PNMA6E: variants seen among roughly 807,000 people sequenced by gnomAD.
The protein encoded by PNMA6E is paraneoplastic antigen Ma6E.
For synonymous variants in PNMA6E, 43 were observed against 17.1 expected (o/e 2.52, Z -3.74); for missense variants, 78 against 50.8 (o/e 1.53, Z -1.63).
At chrX:153,408,905 G>GA in the PNMA6E span, among the ~76,000 whole-genome samples, 1 of 112,637 alleles carries the variant, frequency 8.9e-6, no homozygotes, top group Non-Finnish European at 1.9e-5. Context: ...GCCCTGCTGT[G>GA]AAGGTGGCTT....
chrX:153,396,835 C>G lies in PNMA6E; in HGVS notation c.*71G>C. The G allele has an allele frequency of 3.4e-6, 1 of 297,764 alleles. No homozygotes were observed. Among genetic ancestry groups the G allele is most frequent in the East Asian group, 4.8e-5 (1 of 21,044 alleles). 24.5% of individuals were successfully genotyped at this position (297,764 alleles called of 1,213,427 possible). A position where few individuals can be genotyped will look rare whatever the true frequency, so the allele number is the denominator to read the frequency against. The stretch of plus-strand genomic sequence containing the variant: ...CTGAATGTGGGGTGAGGGACTGGCC[C>G]TGGCCTGGCCTCTGTCTGCCTCCAA... On this transcript the variant is annotated 3_prime_UTR_variant, in exon 2 of 2. Transcript: ENST00000445091.
At chrX:153,406,073 G>C (rs1338760317), upstream of PNMA6E, among the ~76,000 whole-genome samples, 1 of 111,804 alleles carries the variant, frequency 8.9e-6, no homozygotes, top group Non-Finnish European at 1.9e-5. Flanking sequence ...TCATAACCAT[G>C]AACAGACACC....
At chrX:153,412,971 G>T in the PNMA6E span, among the ~76,000 whole-genome samples, 1 of 111,862 alleles carries the variant, frequency 8.9e-6, no homozygotes, top group Non-Finnish European at 1.9e-5. Context: ...AGGCTAGGCT[G>T]CATGGAGGGC....
chrX:153,401,147 C>G (rs1430308052), intron 1 of PNMA6E, 97 bp downstream of exon 1: 1 of 19,080 alleles, frequency 5.2e-5, no homozygotes, highest in Non-Finnish European at 1.1e-4. Flanking sequence ...CACCGCCTGC[C>G]CCCCCCCCAC....
At chrX:153,409,079 G>A in the PNMA6E span, among the ~76,000 whole-genome samples, 1 of 112,957 alleles carries the variant, frequency 8.9e-6, no homozygotes, top group Non-Finnish European at 1.9e-5. Context: ...CCTGGCGGGT[G>A]CCCACGGCAC....
rs1391991085 is a variant in PNMA6E at position 153,396,705 on chromosome X, C to T, written c.*201G>A. On this transcript the variant is annotated 3_prime_UTR_variant, in exon 2 of 2. Coordinates refer to ENST00000445091, the MANE Select transcript of PNMA6E (RefSeq NM_001367770.1). ...TGCTGGGTGCAAGGGAGCGGGGGGG[C>T]GCCTCTCCCCACCCCATTTTGTATC... The T allele has an allele frequency of 2.6e-5, 7 of 273,587 alleles. No homozygotes were observed. The highest frequency in any genetic ancestry group is 5.6e-5 in the African/African-American group (2 of 35,957). The allele number at this position is 273,587 out of a possible 1,213,427, so 22.5% of individuals were successfully genotyped here. A position where few individuals can be genotyped will look rare whatever the true frequency, so the allele number is the denominator to read the frequency against.
the PNMA6E span, among the ~76,000 whole-genome samples, chrX:153,411,107 C>G: frequency 8.9e-6 from 1 of 111,752 alleles, no homozygotes. Flanking sequence ...CTGGGTCACT[C>G]CTTTACTGAG....
Position 153,397,721 on chromosome X carries a change from C to A in PNMA6E, c.1129G>T (p.Gly377Cys). ...AAGTTGGTATCTTCCTCCAGGAGGC[C>A]GCTCACGACTTCCAGGGCCGGGCCG... ...LGGPALEVVSGLLEEDTNLSA... is the reference protein window; with the variant it reads ...LGGPALEVVSCLLEEDTNLSA... The change falls in exon 2 of 2, where the codon GGC becomes TGC. Residue 377 changes from glycine to cysteine, a missense_variant. Transcript: ENST00000445091. The A allele has an allele frequency of 3.3e-6, 1 of 306,686 alleles. No individual in the cohort carries two copies. The highest frequency in any genetic ancestry group is 5.7e-6 in the Non-Finnish European group (1 of 175,589). 25.3% of individuals were successfully genotyped at this position (306,686 alleles called of 1,213,427 possible). A position where few individuals can be genotyped will look rare whatever the true frequency, so the allele number is the denominator to read the frequency against.
At chrX:153,401,824 G>T (rs1423212807), upstream of PNMA6E, among the ~76,000 whole-genome samples, 1 of 98,511 alleles carries the variant, frequency 1.0e-5, no homozygotes, top group Non-Finnish European at 2.0e-5. Context: ...TTGTTCTGTC[G>T]CCAGGCTGGA....
chrX:153,412,515 G>A, the PNMA6E span, among the ~76,000 whole-genome samples: 9 of 112,449 alleles, frequency 8.0e-5, no homozygotes, highest in South Asian at 3.7e-4. Context: ...AGTAAGAGCC[G>A]GGGAAGGGAG....
chrX:153,400,838 G>A (rs1354603950), intron 1 of PNMA6E, among the ~76,000 whole-genome samples: 1 of 5,091 alleles, frequency 2.0e-4, no homozygotes, highest in Non-Finnish European at 3.8e-4. Context: ...GCCCCCTCCC[G>A]ACCCCCAGCC....
the PNMA6E span, among the ~76,000 whole-genome samples, chrX:153,413,148 A>G: frequency 9.0e-6 from 1 of 110,856 alleles, no homozygotes; most frequent in Non-Finnish European, 1.9e-5. Flanking sequence ...AAACCCAACC[A>G]AAGTGGTGAT....
upstream of PNMA6E, among the ~76,000 whole-genome samples, chrX:153,402,514 T>C (rs1662148193): frequency 8.9e-6 from 1 of 111,772 alleles, no homozygotes; most frequent in Non-Finnish European, 1.9e-5. Flanking sequence ...GTCATATATA[T>C]ATCTACATGT....
rs933456575 is a variant in PNMA6E at position 153,397,394 on chromosome X, G to A, written c.1456C>T (p.Arg486Trp). 1.3e-5 allele frequency: 4 copies of A among 297,330 alleles called. No individual in the cohort carries two copies. Among genetic ancestry groups the A allele is most frequent in the South Asian group, 2.0e-4 (1 of 5,011 alleles). The allele number at this position is 297,330 out of a possible 1,213,427, so 24.5% of individuals were successfully genotyped here. A position where few individuals can be genotyped will look rare whatever the true frequency, so the allele number is the denominator to read the frequency against. Residue 486 changes from arginine (R) to tryptophan (W), a missense_variant, in exon 2 of 2, where the codon CGG (arginine) becomes TGG (tryptophan). Transcript: ENST00000445091. ...CATGCCTCCATCTCCCGGATGAGCCGGAGCAGCCCCAGGAAGCCAGGTGGC... is the reference window on the plus strand; with the variant it reads ...CATGCCTCCATCTCCCGGATGAGCCAGAGCAGCCCCAGGAAGCCAGGTGGC... ...KRPPGFLGLL[R>W]LIREMEAWAA... is the part of the protein sequence containing the mutation.
chrX:153,406,335 G>T (rs2088877066), upstream of PNMA6E, among the ~76,000 whole-genome samples: 1 of 112,497 alleles, frequency 8.9e-6, no homozygotes, highest in South Asian at 3.7e-4. Flanking sequence ...GCGTACCTCG[G>T]GCCTCACACT....
In PNMA6E at chrX:153,397,099, G is replaced by A; in HGVS notation, c.1751C>T (p.Ala584Val). The A allele has an allele frequency of 3.4e-6, 1 of 298,115 alleles. No individual in the cohort carries two copies. The highest frequency in any genetic ancestry group is 2.0e-4 in the South Asian group (1 of 5,073). 24.6% of individuals were successfully genotyped at this position (298,115 alleles called of 1,213,427 possible). ...PIEVPWGSSPARMSSAVWVFP... is the reference protein window; with the variant it reads ...PIEVPWGSSPVRMSSAVWVFP... ...CACCCAGACAGCACTGCTCATCCGG[G>A]CTGGGGAGGAGCCCCAGGGGACCTC... Residue 584 changes from alanine to valine, a missense_variant, in exon 2 of 2, where the codon GCC becomes GTC. Physicochemically the swap from Ala to Val is moderately conservative, Grantham distance 64. Transcript: ENST00000445091.
rs1240908515 is a variant in PNMA6E at position 153,397,881 on chromosome X, G to C, written c.969C>G (p.Pro323=). 1.8e-5 allele frequency: 6 copies of C among 336,728 alleles called. No homozygotes were observed. In the Admixed American group the frequency reaches 3.1e-4, roughly 17 times the overall value. The allele number at this position is 336,728 out of a possible 1,213,427, so 27.8% of individuals were successfully genotyped here. ...LENRAYRELR[P]FSRREQPGCE... Reference sequence around the variant, plus strand: ...AGCCTGGCTGCTCCCTCCTGGAAAAGGGTCTCAATTCCCGGTAGGCCCTGT... The same window carrying C: ...AGCCTGGCTGCTCCCTCCTGGAAAACGGTCTCAATTCCCGGTAGGCCCTGT... The change falls in exon 2 of 2, where the codon CCC becomes CCG. Residue 323 remains proline, a synonymous_variant. Coordinates refer to ENST00000445091, the MANE Select transcript of PNMA6E (RefSeq NM_001367770.1).
In PNMA6E at chrX:153,396,417, G is replaced by C. The variant is rs2088805433; in HGVS notation, c.*489C>G. On this transcript the variant is annotated 3_prime_UTR_variant, in exon 2 of 2. Coordinates refer to ENST00000445091, the MANE Select transcript of PNMA6E (RefSeq NM_001367770.1). Reference sequence around the variant, plus strand: ...GCTAGCAGTGGGTGGGCGTCTGCTGGGCGCGTGGGTCACACAGGTGAGGGT... The same window carrying C: ...GCTAGCAGTGGGTGGGCGTCTGCTGCGCGCGTGGGTCACACAGGTGAGGGT... 1 of 115,173 alleles carries C rather than the reference G, an allele frequency of 8.7e-6. No individual in the cohort carries two copies. The allele number at this position is 115,173 out of a possible 1,213,427, so 9.5% of individuals were successfully genotyped here.
rs1471163759 is a variant in PNMA6E at position 153,397,223 on chromosome X, C to A, written c.1627G>T (p.Ala543Ser). Residue 543 changes from alanine to serine, a missense_variant, in exon 2 of 2, where the codon GCT becomes TCT. Physicochemically the swap from Ala to Ser is moderately conservative, Grantham distance 99. Coordinates refer to ENST00000445091, the MANE Select transcript of PNMA6E (RefSeq NM_001367770.1). Reference sequence around the variant, plus strand: ...CTTGCAGCCTCTTTGGTGGCAGAAGCGGCCTCGGCAGCATCTTCTGCTCCG... The same window carrying A: ...CTTGCAGCCTCTTTGGTGGCAGAAGAGGCCTCGGCAGCATCTTCTGCTCCG... ...GPGAEDAAEA[A>S]SATKEAARGA... The A allele has an allele frequency of 3.4e-6, 1 of 298,080 alleles. No individual in the cohort carries two copies. The highest frequency in any genetic ancestry group is 5.9e-6 in the Non-Finnish European group (1 of 170,416). The allele number at this position is 298,080 out of a possible 1,213,427, so 24.6% of individuals were successfully genotyped here.
Sources: allele counts gnomAD v4.1 joint callset (sites outside exome capture counted in the v4.1 genomes callset), GRCh38; gene constraint gnomAD v4.1.1; transcripts MANE v1.5; gene names NCBI Gene and HGNC (gene_info 2026-07-23, HGNC 2026-07-21).